The following FGF14 variants were observed in gnomAD, a reference collection of about 807,000 sequenced individuals.
FGF14 encodes the protein fibroblast growth factor 14, also known as fibroblast growth factor homologous factor 4.
FGF14 carries 5 observed loss-of-function variants against 25.5 expected under a neutral mutation model. The ratio of observed to expected loss-of-function variants is 0.20; its 90% confidence interval spans 0.10 to 0.41. The LOEUF (loss-of-function observed/expected upper bound fraction) is 0.41, where lower values mean the gene tolerates loss of function less well. FGF14 is among the 10% of genes least tolerant of loss of function. FGF14 has a pLI of 1.00. For synonymous variants in FGF14, 138 were observed against 118.3 expected, an observed-to-expected ratio of 1.17 and a Z score of -1.08; for missense variants, 222 against 320.1, an observed-to-expected ratio of 0.69 and a Z score of 2.34.
intron 1 of FGF14, among the ~76,000 whole-genome samples, chr13:101,880,140 C>A (rs1023939230): frequency 6.6e-6 from 1 of 152,192 alleles, no homozygotes; most frequent in Admixed American, 6.6e-5. Context: ...GATTACCCAA[C>A]TCACGGTCCC....
chr13:102,257,284 G>C (rs1163361151), intron 1 of FGF14, among the ~76,000 whole-genome samples: 1 of 143,164 alleles, frequency 7.0e-6, no homozygotes, highest in African/African-American at 2.6e-5. Flanking sequence ...GTTTGCTGAT[G>C]GTTTTAATTT....
At chr13:102,000,646 C>T (rs971053575) in intron 1 of FGF14, among the ~76,000 whole-genome samples, 7 of 152,154 alleles carry the variant, frequency 4.6e-5, no homozygotes, top group Non-Finnish European at 5.9e-5. Flanking sequence ...TTTATCTAGT[C>T]CATACTTTTT....
chr13:101,721,428 G>GTGT lies in FGF14; in HGVS notation c.*1400_*1402dup, dbSNP rs542077649. ...TGGACCAAAATCCTCATGGATGAAT[G>GTGT]TGTTGGTTTGCCTTTATTTTCATCT... On this transcript the variant is annotated 3_prime_UTR_variant, in exon 5 of 5. Transcript: ENST00000376143. 4.3e-3 allele frequency: 565 copies of GTGT among 131,736 alleles called. 5 individuals are homozygous for GTGT. The highest frequency in any genetic ancestry group is 0.014 in the African/African-American group (546 of 38,066). 8.2% of individuals were successfully genotyped at this position (131,736 alleles called of 1,614,324 possible).
intron 1 of FGF14, among the ~76,000 whole-genome samples, chr13:102,397,118 G>A (rs923498906): frequency 3.3e-5 from 5 of 152,210 alleles, no homozygotes; most frequent in African/African-American, 9.7e-5. Flanking sequence ...CCTAGGATGA[G>A]TCGGTAGGCT....
At chr13:101,896,766 G>T (rs1021805826) in intron 1 of FGF14, among the ~76,000 whole-genome samples, 5 of 152,108 alleles carry the variant, frequency 3.3e-5, no homozygotes, top group African/African-American at 1.2e-4. Flanking sequence ...ATGCAATGCT[G>T]CATCAACAGT....
chr13:101,964,752 C>A (rs187737712), intron 1 of FGF14, among the ~76,000 whole-genome samples: 31 of 145,426 alleles, frequency 2.1e-4, no homozygotes, highest in Admixed American at 3.7e-4. Context: ...TCCTTTTCTA[C>A]TTTCATTTTT....
chr13:101,727,934 T>C (rs1157137435), intron 3 of FGF14, among the ~76,000 whole-genome samples: 1 of 152,150 alleles, frequency 6.6e-6, no homozygotes, highest in African/African-American at 2.4e-5. Context: ...TTTTCTTTAA[T>C]AGATTTTATT....
intron 3 of FGF14, among the ~76,000 whole-genome samples, chr13:101,806,760 C>T (rs2140161565): frequency 6.6e-6 from 1 of 152,200 alleles, no homozygotes; most frequent in African/African-American, 2.4e-5. Flanking sequence ...TTCTTTCTAA[C>T]ATTAACAGTA....
At chr13:102,322,028 C>G (rs1358029894) in intron 1 of FGF14, among the ~76,000 whole-genome samples, 1 of 152,166 alleles carries the variant, frequency 6.6e-6, no homozygotes, top group Non-Finnish European at 1.5e-5. Context: ...TGGAGAGAGG[C>G]ACCCAAACCC....
chr13:102,139,621 A>C (rs1354200581), intron 1 of FGF14, among the ~76,000 whole-genome samples: 1 of 152,106 alleles, frequency 6.6e-6, no homozygotes, highest in Non-Finnish European at 1.5e-5. Flanking sequence ...GGAAGAGATA[A>C]TGCTAGTTAA....
intron 1 of FGF14, among the ~76,000 whole-genome samples, chr13:102,183,241 A>AT (rs1405088296): frequency 6.6e-6 from 1 of 152,180 alleles, no homozygotes; most frequent in Non-Finnish European, 1.5e-5. Flanking sequence ...TCCCCTAAGG[A>AT]TTTTTTTAGA....
intron 1 of FGF14, among the ~76,000 whole-genome samples, chr13:101,911,183 C>A (rs1218938818): frequency 1.3e-5 from 2 of 152,054 alleles, no homozygotes; most frequent in Non-Finnish European, 2.9e-5. Context: ...CTTGTTCTCA[C>A]AGTAACATCA....
At chr13:102,215,269 A>T (rs2050324022) in intron 1 of FGF14, among the ~76,000 whole-genome samples, 1 of 152,226 alleles carries the variant, frequency 6.6e-6, no homozygotes, top group African/African-American at 2.4e-5. Flanking sequence ...ATGCTCCAGC[A>T]CTGGATACAT....
At chr13:101,808,738 G>A (rs1334788919) in intron 3 of FGF14, among the ~76,000 whole-genome samples, 2 of 151,816 alleles carry the variant, frequency 1.3e-5, no homozygotes, top group African/African-American at 4.9e-5. Flanking sequence ...TATTACTTCA[G>A]ACATTTTTTT....
At chr13:102,307,887 G>C (rs2055486784) in intron 1 of FGF14, among the ~76,000 whole-genome samples, 1 of 152,080 alleles carries the variant, frequency 6.6e-6, no homozygotes, top group African/African-American at 2.4e-5. Context: ...AATAGGCCAA[G>C]TACCTCCCAT....
At chr13:102,203,236 A>G (rs914394337) in intron 1 of FGF14, among the ~76,000 whole-genome samples, 11 of 152,262 alleles carry the variant, frequency 7.2e-5, no homozygotes, top group African/African-American at 2.2e-4. Context: ...TCCCAAGTGC[A>G]TATCAACAAC....
intron 1 of FGF14, among the ~76,000 whole-genome samples, chr13:101,974,677 G>C (rs2037815039): frequency 6.6e-6 from 1 of 152,146 alleles, no homozygotes; most frequent in Non-Finnish European, 1.5e-5. Context: ...TGCTCTGACA[G>C]CCCTGGTGAT....
chr13:101,971,726 T>C (rs1296848492), intron 1 of FGF14, among the ~76,000 whole-genome samples: 2 of 152,162 alleles, frequency 1.3e-5, no homozygotes, highest in Non-Finnish European at 2.9e-5. Flanking sequence ...ATGAGAGAAA[T>C]AGGACCCAGA....
At chr13:102,099,181 A>G (rs1179539140) in intron 1 of FGF14, among the ~76,000 whole-genome samples, 2 of 152,298 alleles carry the variant, frequency 1.3e-5, no homozygotes, top group African/African-American at 4.8e-5. Context: ...TATGGGCCTA[A>G]AAGTCATAGT....
Sources: gnomAD v4.1 joint callset for allele counts (sites outside exome capture counted in the v4.1 genomes callset) on GRCh38, gnomAD v4.1.1 for gene constraint, MANE v1.5 for transcripts, NCBI Gene and HGNC (gene_info 2026-07-23, HGNC 2026-07-21) for gene names.